Variants in MAP3K2 observed in about 807,000 individuals in gnomAD.
MAP3K2 encodes MAP/ERK kinase kinase 2.
A neutral mutation model predicts 80.3 loss-of-function variants in MAP3K2; 24 were observed. That is an observed-to-expected ratio of 0.30 (90% CI 0.22 to 0.42). MAP3K2 has a LOEUF of 0.42. Ranked by LOEUF, MAP3K2 falls within the 10% of genes least tolerant of loss-of-function variation. The pLI is 1.00. For missense variants in MAP3K2, 608 were observed against 750.1 expected (o/e 0.81, Z 2.21); for synonymous variants, 244 against 253.7 (o/e 0.96, Z 0.36).
chr2:127,388,019 C>G, upstream of MAP3K2: 1 of 983,500 alleles, frequency 1.0e-6, no homozygotes, highest in South Asian at 4.7e-5. Flanking sequence ...CGCTCGTGCG[C>G]GCGCACCCCT....
At chr2:127,311,576 A>G (rs1410533391) in intron 15 of MAP3K2, among the ~76,000 whole-genome samples, 3 of 152,204 alleles carry the variant, frequency 2.0e-5, no homozygotes, top group Non-Finnish European at 4.4e-5. Context: ...CAGCATGCGC[A>G]GCCATCACCC....
At position 127,318,073 on chromosome 2, in the gene MAP3K2, GCTT is replaced by G. The variant is rs757356799; in HGVS notation, c.1194+93_1194+95del. 25 of 822,148 alleles carry G rather than the reference GCTT, an allele frequency of 3.0e-5. No individual in the cohort carries two copies. The Middle Eastern group carries it at 1.2e-3, about 39-fold the overall frequency. The allele number at this position is 822,148 out of a possible 1,614,324, so 50.9% of individuals were successfully genotyped here. On this transcript the variant is annotated intron_variant, in intron 13 of 16. Transcript: ENST00000682094. The stretch of plus-strand genomic sequence containing the variant: ...CTTTTTTTTTTTTTTGAAAAAAAAT[GCTT>G]CTTATTTAGAATGGAAGGGGCTTAA...
intron 1 of MAP3K2, among the ~76,000 whole-genome samples, chr2:127,360,164 G>A (rs1376881685): frequency 6.6e-6 from 1 of 152,172 alleles, no homozygotes; most frequent in East Asian, 1.9e-4. Flanking sequence ...CAGCCATACA[G>A]TAGAATAAAT....
upstream of MAP3K2, chr2:127,388,370 C>T (rs949791957): frequency 1.0e-6 from 1 of 985,430 alleles, no homozygotes; most frequent in Non-Finnish European, 1.2e-6. Context: ...GAGGCAGTGA[C>T]GGACTGTGTG....
chr2:127,298,673 G>A lies in MAP3K2; in HGVS notation c.*8906C>T, dbSNP rs953116811. Reference sequence around the variant, plus strand: ...AATAGATTTGGAAAAACCAATCACAGTGGAAATAAATATTAGCTTTATTAA... The same window carrying A: ...AATAGATTTGGAAAAACCAATCACAATGGAAATAAATATTAGCTTTATTAA... On this transcript the variant is annotated 3_prime_UTR_variant, in exon 17 of 17. Coordinates refer to ENST00000682094, the MANE Select transcript of MAP3K2 (RefSeq NM_001371910.2). 6.6e-6 allele frequency: 1 copy of A among 152,216 alleles called. No individual in the cohort carries two copies. 9.4% of individuals were successfully genotyped at this position (152,216 alleles called of 1,614,324 possible).
intron 1 of MAP3K2, among the ~76,000 whole-genome samples, chr2:127,361,040 G>A (rs1373897424): frequency 1.3e-5 from 2 of 152,002 alleles, no homozygotes; most frequent in South Asian, 2.1e-4. Context: ...TAGGCAGGGC[G>A]CGGTGGCTCA....
intron 1 of MAP3K2, among the ~76,000 whole-genome samples, chr2:127,350,454 C>CA (rs752516255): frequency 0.017 from 1,734 of 99,418 alleles, 23 homozygotes; most frequent in African/African-American, 0.045. Context: ...AAAACAAAAA[C>CA]AAAAAAAAAA....
intron 4 of MAP3K2, among the ~76,000 whole-genome samples, chr2:127,337,386 T>C (rs1390269301): frequency 6.6e-6 from 1 of 152,188 alleles, no homozygotes; most frequent in Non-Finnish European, 1.5e-5. Flanking sequence ...AGCTCACATA[T>C]ATAAATGCTA....
intron 1 of MAP3K2, among the ~76,000 whole-genome samples, chr2:127,383,797 T>C (rs562577099): frequency 7.3e-5 from 11 of 151,554 alleles, no homozygotes; most frequent in Non-Finnish European, 1.0e-4. Context: ...ACTCTAAAAA[T>C]AGAAATAAAA....
chr2:127,378,478 A>G, intron 1 of MAP3K2, among the ~76,000 whole-genome samples: 1 of 152,160 alleles, frequency 6.6e-6, no homozygotes, highest in East Asian at 1.9e-4. Flanking sequence ...CCATCAACTT[A>G]CCGAAAATTA....
intron 1 of MAP3K2, among the ~76,000 whole-genome samples, chr2:127,359,366 C>T (rs1364600795): frequency 6.6e-6 from 1 of 151,956 alleles, no homozygotes; most frequent in Admixed American, 6.5e-5. Flanking sequence ...CCTAAAACTG[C>T]TCAAAAAAAT....
chr2:127,349,162 CTTTCT>C (rs977344348), intron 1 of MAP3K2, among the ~76,000 whole-genome samples: 2 of 142,518 alleles, frequency 1.4e-5, no homozygotes, highest in Non-Finnish European at 3.2e-5. Flanking sequence ...CCTTTCTTTT[CTTTCT>C]TTTTTTTTTT....
rs1558981606 is a variant in MAP3K2, at chr2:127,339,892, C to T, written c.5-842G>A. On this transcript the variant is annotated intron_variant, in intron 2 of 16. Coordinates refer to ENST00000682094, the MANE Select transcript of MAP3K2 (RefSeq NM_001371910.2). This position sits in a 1 kb window ranked among gnomAD's most constrained non-coding sequence, Gnocchi z 4.2. ...AATAAAGGAATCAAGAGACTTTACACTTTACATTTTAAAATGTAACCATTT... is the reference window on the plus strand; with the variant it reads ...AATAAAGGAATCAAGAGACTTTACATTTTACATTTTAAAATGTAACCATTT... Among the ~76,000 whole-genome samples, 2 of 152,306 alleles carry T rather than the reference C, an allele frequency of 1.3e-5. No homozygotes were observed. The highest frequency in any genetic ancestry group is 3.9e-4 in the East Asian group (2 of 5,190).
chr2:127,337,883 T>C, intron 3 of MAP3K2, 105 bp from the exon 4 acceptor site: 1 of 657,102 alleles, frequency 1.5e-6, no homozygotes, highest in Non-Finnish European at 2.5e-6. Context: ...AGCCATTCAT[T>C]TAAAATAGAC....
In MAP3K2 at chr2:127,303,844, A is replaced by AGTCT. The variant is rs1685644497; in HGVS notation, c.*3731_*3734dup. On this transcript the variant is annotated 3_prime_UTR_variant, in exon 17 of 17. Transcript: ENST00000682094. ...CACAGAACTTTGCCATAGGCCAAGG[A>AGTCT]GTCTGCATCTGGCTTGGTCATCCTG... 1 of 152,190 alleles carries AGTCT rather than the reference A, an allele frequency of 6.6e-6. No homozygotes were observed. Among genetic ancestry groups the AGTCT allele is most frequent in the Non-Finnish European group, 1.5e-5 (1 of 68,008 alleles). The allele number at this position is 152,190 out of a possible 1,614,324, so 9.4% of individuals were successfully genotyped here.
In MAP3K2 at chr2:127,329,965, T is replaced by G. The variant is rs1453476265; in HGVS notation, c.422A>C (p.Asn141Thr). ...EPLPSLEDLD[N>T]TVFGAERKKR... Reference sequence around the variant, plus strand: ...TTTCCTCTCTGCTCCAAATACTGTATTATCCAAATCTTCTAGTGATGGCAA... The same window carrying G: ...TTTCCTCTCTGCTCCAAATACTGTAGTATCCAAATCTTCTAGTGATGGCAA... Residue 141 changes from asparagine to threonine, a missense_variant, in exon 7 of 17, where the codon AAT becomes ACT. Physicochemically the swap from Asn to Thr is moderately conservative, Grantham distance 65. This residue lies in a region of MAP3K2 where 467 missense variants were observed against 521.9 expected (regional missense o/e 0.89). Coordinates refer to ENST00000682094, the MANE Select transcript of MAP3K2 (RefSeq NM_001371910.2). 6.2e-7 allele frequency: 1 copy of G among 1,610,130 alleles called. No individual in the cohort carries two copies. Among genetic ancestry groups the G allele is most frequent in the South Asian group, 1.1e-5 (1 of 90,998 alleles).
intron 1 of MAP3K2, among the ~76,000 whole-genome samples, chr2:127,358,374 T>C (rs1260661901): frequency 7.2e-5 from 11 of 152,172 alleles, no homozygotes; most frequent in Admixed American, 6.6e-4. Context: ...AGTTTGGCAG[T>C]TTCTCACAAA....
chr2:127,346,604 A>AC (rs1346611729), intron 1 of MAP3K2, among the ~76,000 whole-genome samples: 1 of 152,078 alleles, frequency 6.6e-6, no homozygotes, highest in Non-Finnish European at 1.5e-5. Flanking sequence ...CAAATTATAT[A>AC]CCATGCACAT....
intron 5 of MAP3K2, 80 bp downstream of exon 5, chr2:127,335,790 C>A (rs1005078810): frequency 2.9e-6 from 2 of 687,484 alleles, no homozygotes; most frequent in Non-Finnish European, 2.4e-6. Flanking sequence ...AATAAAAACA[C>A]GAGTCTTAAA....
Sources: gnomAD v4.1 joint callset for allele counts (sites outside exome capture counted in the v4.1 genomes callset) on GRCh38, gnomAD v4.1.1 for gene constraint, gnomAD v4.1.1 regional missense constraint, Gnocchi (gnomAD v3.1) non-coding constraint, MANE v1.5 for transcripts, NCBI Gene and HGNC (gene_info 2026-07-23, HGNC 2026-07-21) for gene names.